The following LIMK1 variants were observed in gnomAD, a reference collection of about 807,000 sequenced individuals.
LIMK1 encodes the protein LIM motif-containing protein kinase.
Under a neutral mutation model 77.6 loss-of-function variants are expected in LIMK1, and 21 were observed. That is an observed-to-expected ratio of 0.27 (90% CI 0.19 to 0.39). The LOEUF (loss-of-function observed/expected upper bound fraction) is 0.39. Among genes scored for constraint, LIMK1 ranks in the 10% least tolerant of loss-of-function variants. The pLI, the probability that LIMK1 is intolerant of heterozygous loss-of-function variation, is 1.00. For synonymous variants in LIMK1, 358 were observed against 370.0 expected, an observed-to-expected ratio of 0.97 and a Z score of 0.37; for missense variants, 696 against 901.6, an observed-to-expected ratio of 0.77 and a Z score of 2.92.
chr7:74,120,814 C>T (rs1405122710), intron 14 of LIMK1, 78 bp from the exon 15 acceptor site: 2 of 1,594,282 alleles, frequency 1.3e-6, no homozygotes, highest in African/African-American at 2.7e-5. Context: ...TGCCACCTGC[C>T]CTCAAACCAC....
intron 1 of LIMK1, 75 bp downstream of exon 1, chr7:74,084,120 G>A (rs1043389748): frequency 6.2e-6 from 5 of 803,254 alleles, no homozygotes; most frequent in Admixed American, 6.3e-5. Flanking sequence ...GGAGGGGGCC[G>A]GGTCTGCCAG....
intron 9 of LIMK1, 119 bp from the exon 10 acceptor site, chr7:74,108,785 TG>T: frequency 1.4e-6 from 2 of 1,465,534 alleles, no homozygotes; most frequent in Admixed American, 2.2e-5. Flanking sequence ...AGAGGGGAGC[TG>T]GGGGTTCCGT....
chr7:74,102,859 A>G (rs899443343), intron 5 of LIMK1, among the ~76,000 whole-genome samples: 16 of 149,324 alleles, frequency 1.1e-4, no homozygotes, highest in African/African-American at 3.7e-4. Context: ...GTCATGTGTC[A>G]TCAGTATCTT....
rs560284375 is a variant in LIMK1, at chr7:74,086,503, G to A, written c.152+659G>A. Among the ~76,000 whole-genome samples, 4 of 152,238 alleles carry A rather than the reference G, an allele frequency of 2.6e-5. No individual in the cohort carries two copies. The South Asian group carries it at 8.3e-4, about 32-fold the overall frequency. On this transcript the variant is annotated intron_variant, in intron 2 of 15. Transcript: ENST00000336180. ...GCCTCCCGAGTAGCTGGGATTATAG[G>A]TATACACCACAATGCTCAGCTAATT...
At chr7:74,089,670 C>G (rs1215229916) in intron 2 of LIMK1, among the ~76,000 whole-genome samples, 5 of 152,054 alleles carry the variant, frequency 3.3e-5, no homozygotes, top group African/African-American at 1.2e-4. Flanking sequence ...GGGGAGGAGA[C>G]ATGCTCATCT....
chr7:74,089,658 T>C (rs1261509099), intron 2 of LIMK1, among the ~76,000 whole-genome samples: 3 of 152,002 alleles, frequency 2.0e-5, no homozygotes, highest in South Asian at 4.2e-4. Flanking sequence ...GGGGGTCATG[T>C]TGGGGAGGAG....
At chr7:74,084,506 CT>C (rs1799093837) in intron 1 of LIMK1, among the ~76,000 whole-genome samples, 1 of 152,164 alleles carries the variant, frequency 6.6e-6, no homozygotes, top group African/African-American at 2.4e-5. Flanking sequence ...TCAGTTTCCC[CT>C]TCTGTACATT....
At chr7:74,096,968 G>T in intron 3 of LIMK1, 112 bp from the exon 4 acceptor site, 1 of 1,042,136 alleles carries the variant, frequency 9.6e-7, no homozygotes. Context: ...CTGGCCAGCC[G>T]GGTCCCTGCA....
chr7:74,110,288 C>T (rs540002856), intron 10 of LIMK1: 1 of 152,144 alleles, frequency 6.6e-6, no homozygotes, highest in East Asian at 1.9e-4. Flanking sequence ...CACAGGAGGT[C>T]GAGGCTGCAC....
At chr7:74,096,468 T>C (rs552986758) in intron 2 of LIMK1, among the ~76,000 whole-genome samples, 154 bp from the exon 3 acceptor site, 296 of 152,252 alleles carry the variant, frequency 1.9e-3, no homozygotes, top group African/African-American at 6.4e-3. Flanking sequence ...GCCACTGCAC[T>C]GCAGCCTGGC....
At chr7:74,091,431 C>T (rs192728416) in intron 2 of LIMK1, among the ~76,000 whole-genome samples, 1 of 152,260 alleles carries the variant, frequency 6.6e-6, no homozygotes, top group African/African-American at 2.4e-5. Context: ...ATGGGAGGAT[C>T]ATTTGAACCC....
At chr7:74,094,999 G>A (rs1392243726) in intron 2 of LIMK1, among the ~76,000 whole-genome samples, 1 of 152,116 alleles carries the variant, frequency 6.6e-6, no homozygotes, top group African/African-American at 2.4e-5. Flanking sequence ...AGGGGAAGTG[G>A]CTGGATCCTC....
intron 14 of LIMK1, 107 bp from the exon 15 acceptor site, chr7:74,120,785 A>G: frequency 1.3e-6 from 2 of 1,545,920 alleles, no homozygotes; most frequent in Non-Finnish European, 1.8e-6. Flanking sequence ...TACTGCAGTC[A>G]GGCTGCAGCC....
chr7:74,116,090 C>A, intron 13 of LIMK1, 132 bp downstream of exon 13: 3 of 934,012 alleles, frequency 3.2e-6, no homozygotes, highest in Non-Finnish European at 4.8e-6. Context: ...GGTCCTGTTG[C>A]TCCTATAACA....
intron 13 of LIMK1, among the ~76,000 whole-genome samples, chr7:74,120,321 A>G (rs1241559426): frequency 6.6e-6 from 1 of 152,276 alleles, no homozygotes; most frequent in African/African-American, 2.4e-5. Context: ...TGACTTGTGC[A>G]AAGTCACGCA....
At chr7:74,089,933 C>T (rs1397693688) in intron 2 of LIMK1, among the ~76,000 whole-genome samples, 5 of 152,042 alleles carry the variant, frequency 3.3e-5, no homozygotes, top group African/African-American at 1.2e-4. Context: ...AGTAGAGCCA[C>T]AGAAGCCACA....
At chr7:74,109,331 G>T in intron 10 of LIMK1, 1 of 389,356 alleles carries the variant, frequency 2.6e-6, no homozygotes, top group South Asian at 2.3e-5. Flanking sequence ...CTGCACTCCA[G>T]CCTGGACCAC....
In LIMK1 at chr7:74,120,906, G is replaced by A. The variant is rs930525083; in HGVS notation, c.1638G>A (p.Val546=). 1.2e-6 allele frequency: 2 copies of A among 1,614,176 alleles called. No homozygotes were observed. The highest frequency in any genetic ancestry group is 1.7e-6 in the Non-Finnish European group (2 of 1,180,018). ...GIVLCEIIGR[V]NADPDYLPRT... ...GTACTGGACAGATCATCGGGCGGGT[G>A]AACGCAGACCCTGACTACCTGCCCC... The change falls in exon 15 of 16, where the codon GTG becomes GTA. Residue 546 remains valine (V), a synonymous_variant. Coordinates refer to ENST00000336180, the MANE Select transcript of LIMK1 (RefSeq NM_002314.4).
In LIMK1 at chr7:74,111,645, C is replaced by T. The variant is rs1554698648; in HGVS notation, c.1285-3C>T. 1.2e-6 allele frequency: 2 copies of T among 1,612,008 alleles called. No individual in the cohort carries two copies. Among genetic ancestry groups the T allele is most frequent in the South Asian group, 2.2e-5 (2 of 90,638 alleles). On this transcript the variant is annotated splice_polypyrimidine_tract_variant and splice_region_variant and intron_variant, in intron 10 of 15. Coordinates refer to ENST00000336180, the MANE Select transcript of LIMK1 (RefSeq NM_002314.4). ...CACCCTGGCCATTCTTTCTCCATCCCAGGACAGCCAGTACCCATGGAGCCA... is the reference window on the plus strand; with the variant it reads ...CACCCTGGCCATTCTTTCTCCATCCTAGGACAGCCAGTACCCATGGAGCCA...
Sources: allele counts gnomAD v4.1 joint callset (sites outside exome capture counted in the v4.1 genomes callset), GRCh38; gene constraint gnomAD v4.1.1; transcripts MANE v1.5; gene names NCBI Gene and HGNC (gene_info 2026-07-23, HGNC 2026-07-21).